Variants in PNMA8A observed in about 807,000 individuals in gnomAD.
PNMA8A encodes paraneoplastic antigen-like protein 8A.
Under a neutral mutation model 26.6 loss-of-function variants are expected in PNMA8A, and 17 were observed. That is an observed-to-expected ratio of 0.64 (90% CI 0.44 to 0.96). The LOEUF (loss-of-function observed/expected upper bound fraction) is 0.96, where lower values mean the gene tolerates loss of function less well. PNMA8A is among the 40% of genes least tolerant of loss of function. The pLI is 0.00. For synonymous variants in PNMA8A, 224 were observed against 182.0 expected (o/e 1.23, Z -1.86); for missense variants, 532 against 488.4 (o/e 1.09, Z -0.84).
rs1449301486 is a variant in PNMA8A at position 46,467,606 on chromosome 19, T to C, written c.*955A>G. The C allele has an allele frequency of 6.6e-6, 1 of 152,234 alleles. No homozygotes were observed. The highest frequency in any genetic ancestry group is 1.5e-5 in the Non-Finnish European group (1 of 68,080). The allele number at this position is 152,234 out of a possible 1,614,324, so 9.4% of individuals were successfully genotyped here. On this transcript the variant is annotated 3_prime_UTR_variant, in exon 3 of 3. Coordinates refer to ENST00000313683, the MANE Select transcript of PNMA8A (RefSeq NM_018215.4). Reference sequence around the variant, plus strand: ...TTTTTGTAGAGATGGGGTTTCACCATGTTGGTCAAGCTGGTCTTAAACGCC... The same window carrying C: ...TTTTTGTAGAGATGGGGTTTCACCACGTTGGTCAAGCTGGTCTTAAACGCC...
chr19:46,468,711 A>C lies in PNMA8A; in HGVS notation c.1304-134T>G, dbSNP rs1379000794. On this transcript the variant is annotated intron_variant, in intron 2 of 2. Transcript: ENST00000313683. The stretch of plus-strand genomic sequence containing the variant: ...CAGGTCTCTAGAAAACTTCACCCTT[A>C]AAGCCACATACCCTGCAAACACCAT... 5.7e-6 allele frequency: 4 copies of C among 696,096 alleles called. No homozygotes were observed. In the Admixed American group the frequency reaches 9.0e-5, roughly 16 times the overall value. The allele number at this position is 696,096 out of a possible 1,614,324, so 43.1% of individuals were successfully genotyped here.
chr19:46,468,703 T>G, intron 2 of PNMA8A, 126 bp from the exon 3 acceptor site: 1 of 738,622 alleles, frequency 1.4e-6, no homozygotes, highest in East Asian at 2.7e-5. Flanking sequence ...CTAGAAAACT[T>G]CACCCTTAAA....
Position 46,469,641 on chromosome 19 carries a change from CCTCGGGCTCCTCTGCCCCACCTGCCA to C in PNMA8A, c.1303+66_1303+91del. ...TCATCACCCGCTTGACCCACCACCT[CCTCGGGCTCCTCTGCCCCACCTGCCA>C]CTCCTGCTCCTCCTGCCTCATCCAC... is the stretch of plus-strand genomic sequence containing the variant. On this transcript the variant is annotated intron_variant, in intron 2 of 2. Coordinates refer to ENST00000313683, the MANE Select transcript of PNMA8A (RefSeq NM_018215.4). 2.2e-6 allele frequency: 3 copies of C among 1,392,124 alleles called. No individual in the cohort carries two copies. The African/African-American group carries it at 4.3e-5, about 20-fold the overall frequency. 86.2% of individuals were successfully genotyped at this position (1,392,124 alleles called of 1,614,324 possible).
In PNMA8A at chr19:46,470,606, C is replaced by A; in HGVS notation, c.430G>T (p.Glu144Ter). Reference protein sequence around the residue: ...TLSQNQHQPPENWAEALGVLL... With the variant: ...TLSQNQHQPP ...ACCCCCAGAGCTTCTGCCCAGTTCT[C>A]TGGGGGCTGATGCTGGTTCTGGGAC... Residue 144 changes from glutamate (E) to a stop codon, truncating the protein, a stop_gained, in exon 2 of 3, where the codon GAG (glutamate) becomes TAG (stop). Coordinates refer to ENST00000313683, the MANE Select transcript of PNMA8A (RefSeq NM_018215.4). LOFTEE classifies it high-confidence loss of function. 6.2e-7 allele frequency: 1 copy of A among 1,613,424 alleles called. No individual in the cohort carries two copies.
intron 1 of PNMA8A, 74 bp downstream of exon 1, chr19:46,471,263 T>G: frequency 2.3e-6 from 1 of 444,054 alleles, no homozygotes. Context: ...CTCACACGTG[T>G]CCCTGAATCT....
At position 46,470,816 on chromosome 19, in the gene PNMA8A, C is replaced by T. The variant is rs1260538816; in HGVS notation, c.220G>A (p.Gly74Ser). Residue 74 changes from glycine (G) to serine (S), a missense_variant, in exon 2 of 3, where the codon GGT becomes AGT. Coordinates refer to ENST00000313683, the MANE Select transcript of PNMA8A (RefSeq NM_018215.4). ...ENVKAALIEV[G>S]EGVNLSTIPR... ...ATGGTGCTCAGATTCACACCTTCAC[C>T]AACCTCAATGAGGGCAGCTTTAACA... The T allele has an allele frequency of 1.3e-6, 1 of 781,536 alleles. No homozygotes were observed. The highest frequency in any genetic ancestry group is 2.4e-6 in the Non-Finnish European group (1 of 418,664). The allele number at this position is 781,536 out of a possible 1,614,324, so 48.4% of individuals were successfully genotyped here.
rs1440060308 is a variant in PNMA8A at position 46,467,390 on chromosome 19, G to C, written c.*1171C>G. The C allele has an allele frequency of 6.6e-6, 1 of 152,118 alleles. No individual in the cohort carries two copies. The highest frequency in any genetic ancestry group is 2.4e-5 in the African/African-American group (1 of 41,410). 9.4% of individuals were successfully genotyped at this position (152,118 alleles called of 1,614,324 possible). On this transcript the variant is annotated 3_prime_UTR_variant, in exon 3 of 3. Transcript: ENST00000313683. ...TGGTCTGGTCTAATATAGTGTGTCT[G>C]AATTCAGAGGGCAGACATTAACAGC...
rs372759630 is a variant in PNMA8A, at chr19:46,470,508, G to T, written c.528C>A (p.Ala176=). The T allele has an allele frequency of 2.5e-6, 4 of 1,614,024 alleles. No individual in the cohort carries two copies. In the Admixed American group the frequency reaches 6.7e-5, roughly 27 times the overall value. The change falls in exon 2 of 3, where the codon GCC becomes GCA. Residue 176 remains alanine (A), a synonymous_variant. Transcript: ENST00000313683. ...AEIRSREEAR[A]QEAAEFEEMA... Reference sequence around the variant, plus strand: ...TCTCCTCGAATTCAGCGGCCTCCTGGGCCCTGGCTTCCTCCCGGCTGCGGA... The same window carrying T: ...TCTCCTCGAATTCAGCGGCCTCCTGTGCCCTGGCTTCCTCCCGGCTGCGGA...
chr19:46,469,779 C>G lies in PNMA8A; in HGVS notation c.1257G>C (p.Arg419Ser). 6.2e-7 allele frequency: 1 copy of G among 1,613,988 alleles called. No individual in the cohort carries two copies. Among genetic ancestry groups the G allele is most frequent in the Non-Finnish European group, 8.5e-7 (1 of 1,179,982 alleles). Reference protein sequence around the residue: ...QPAEATASTSRGPKAKPEGSP... With the variant: ...QPAEATASTSSGPKAKPEGSP... The stretch of plus-strand genomic sequence containing the variant: ...AGCCTTCTGGCTTGGCCTTCGGACC[C>G]CTAGAGGTTGAGGCTGTTGCCTCGG... The change falls in exon 2 of 3, where the codon AGG (arginine) becomes AGC (serine). Residue 419 changes from arginine (R) to serine (S), a missense_variant. Coordinates refer to ENST00000313683, the MANE Select transcript of PNMA8A (RefSeq NM_018215.4).
At position 46,468,475 on chromosome 19, in the gene PNMA8A, G is replaced by C. The variant is rs1239293979; in HGVS notation, c.*86C>G. The C allele has an allele frequency of 7.7e-7, 1 of 1,299,882 alleles. No homozygotes were observed. Among genetic ancestry groups the C allele is most frequent in the Admixed American group, 1.7e-5 (1 of 59,446 alleles). The allele number at this position is 1,299,882 out of a possible 1,614,324, so 80.5% of individuals were successfully genotyped here. ...AACAGGGGCCCTAAGAGAGTCCAAA[G>C]TCTTATTCAGTGACAAGAGAGAACT... On this transcript the variant is annotated 3_prime_UTR_variant, in exon 3 of 3. Coordinates refer to ENST00000313683, the MANE Select transcript of PNMA8A (RefSeq NM_018215.4).
rs755674539 is a variant in PNMA8A, at chr19:46,470,039, A to G, written c.997T>C (p.Ser333Pro). ...RAEAESPGGA[S>P]ESDQDGGHES... ...TGGCCACCATCTTGGTCTGACTCAG[A>G]GGCGCCTCCTGGGCTCTCGGCTTCT... is the stretch of plus-strand genomic sequence containing the variant. The change falls in exon 2 of 3, where the codon TCT becomes CCT. Residue 333 changes from serine (S) to proline (P), a missense_variant. Transcript: ENST00000313683. The G allele has an allele frequency of 1.3e-6, 2 of 1,597,402 alleles. No individual in the cohort carries two copies. The highest frequency in any genetic ancestry group is 2.7e-5 in the African/African-American group (2 of 74,016).
In PNMA8A at chr19:46,470,455, C is replaced by T. The variant is rs770433188; in HGVS notation, c.581G>A (p.Arg194Lys). ...EMAAWALAAGRKVKKEPGLAA... is the reference protein window; with the variant it reads ...EMAAWALAAGKKVKKEPGLAA... ...AAGCCCCGGTTCTTTCTTCACCTTC[C>T]TCCCTGCTGCTAAAGCCCAGGCTGC... is the stretch of plus-strand genomic sequence containing the variant. The change falls in exon 2 of 3, where the codon AGG (arginine) becomes AAG (lysine). Residue 194 changes from arginine to lysine, a missense_variant. Transcript: ENST00000313683. 2 of 1,614,102 alleles carry T rather than the reference C, an allele frequency of 1.2e-6. No individual in the cohort carries two copies. The highest frequency in any genetic ancestry group is 1.7e-6 in the Non-Finnish European group (2 of 1,180,050).
chr19:46,470,738 G>A lies in PNMA8A; in HGVS notation c.298C>T (p.Pro100Ser), dbSNP rs897343164. ...GGVWRVVCRD[P>S]TQDAEFLKNL... ...TTTAAAAACTCGGCATCCTGGGTAG[G>A]GTCTCTACAGACCACTCTCCAGACA... is the stretch of plus-strand genomic sequence containing the variant. The change falls in exon 2 of 3, where the codon CCT becomes TCT. Residue 100 changes from proline (P) to serine (S), a missense_variant. Pro to Ser is a moderately conservative substitution (Grantham distance 74). Coordinates refer to ENST00000313683, the MANE Select transcript of PNMA8A (RefSeq NM_018215.4). 8 of 846,572 alleles carry A rather than the reference G, an allele frequency of 9.4e-6. No homozygotes were observed. Among genetic ancestry groups the A allele is most frequent in the Non-Finnish European group, 1.5e-5 (7 of 478,084 alleles). 52.4% of individuals were successfully genotyped at this position (846,572 alleles called of 1,614,324 possible).
At position 46,470,318 on chromosome 19, in the gene PNMA8A, G is replaced by A. The variant is rs116822170; in HGVS notation, c.718C>T (p.Arg240Cys). The A allele has an allele frequency of 1.1e-5, 18 of 1,613,764 alleles. No individual in the cohort carries two copies. Among genetic ancestry groups the A allele is most frequent in the East Asian group, 6.7e-5 (3 of 44,892 alleles). The change falls in exon 2 of 3, where the codon CGC (arginine) becomes TGC (cysteine). Residue 240 changes from arginine (R) to cysteine (C), a missense_variant. Transcript: ENST00000313683. The stretch of plus-strand genomic sequence containing the variant: ...TTCTTCTGCTTCTTTCTCCTGGAGC[G>A]AGACTTAGCTCCAGCCCTGCGAACC... ...PLVRRAGAKS[R>C]SRRKKQKKNS...
At position 46,470,136 on chromosome 19, in the gene PNMA8A, C is replaced by A. The variant is rs762459840; in HGVS notation, c.900G>T (p.Glu300Asp). 5.6e-6 allele frequency: 9 copies of A among 1,611,470 alleles called. No homozygotes were observed. In the East Asian group the frequency reaches 2.0e-4, roughly 36 times the overall value. Residue 300 changes from glutamate (E) to aspartate (D), a missense_variant, in exon 2 of 3, where the codon GAG (glutamate) becomes GAT (aspartate). Physicochemically the swap from Glu to Asp is conservative, Grantham distance 45. Transcript: ENST00000313683. ...TCGCCATGGGCTTCTTCAAAGCCAA[C>A]TCCTCCTTATTCACACAGGGCTTTC... ...GSRKPCVNKE[E>D]LALKKPMAKC...
chr19:46,468,694 T>G (rs1969740536), intron 2 of PNMA8A, 117 bp from the exon 3 acceptor site: 1 of 805,488 alleles, frequency 1.2e-6, no homozygotes, highest in Non-Finnish European at 2.1e-6. Context: ...GCCAGGTCTC[T>G]AGAAAACTTC....
chr19:46,466,864 A>C lies in PNMA8A; in HGVS notation c.*1697T>G, dbSNP rs1482853517. ...CTTTATCACAAAAACTGAAGTCGGA[A>C]AAGACGCCCTGAAAACTTGCAAGGG... On this transcript the variant is annotated 3_prime_UTR_variant, in exon 3 of 3. Coordinates refer to ENST00000313683, the MANE Select transcript of PNMA8A (RefSeq NM_018215.4). The C allele has an allele frequency of 2.0e-5, 3 of 152,216 alleles. No individual in the cohort carries two copies. The highest frequency in any genetic ancestry group is 4.4e-5 in the Non-Finnish European group (3 of 68,042). 9.4% of individuals were successfully genotyped at this position (152,216 alleles called of 1,614,324 possible). A position where few individuals can be genotyped will look rare whatever the true frequency, so the allele number is the denominator to read the frequency against.
At chr19:46,471,232 TC>T (rs1163505152) in intron 1 of PNMA8A, 104 bp downstream of exon 1, 3 of 518,048 alleles carry the variant, frequency 5.8e-6, no homozygotes, top group Non-Finnish European at 1.0e-5. Flanking sequence ...AACACCCTCC[TC>T]CCCAACCCAG....
rs769243519 is a variant in PNMA8A at position 46,469,782 on chromosome 19, A to G, written c.1254T>C (p.Ser418=). 9.3e-6 allele frequency: 15 copies of G among 1,613,914 alleles called. No individual in the cohort carries two copies. The highest frequency in any genetic ancestry group is 1.7e-4 in the Middle Eastern group (1 of 6,058). ...QQPAEATAST[S]RGPKAKPEGS... ...CTTCTGGCTTGGCCTTCGGACCCCTAGAGGTTGAGGCTGTTGCCTCGGCAG... is the reference window on the plus strand; with the variant it reads ...CTTCTGGCTTGGCCTTCGGACCCCTGGAGGTTGAGGCTGTTGCCTCGGCAG... The change falls in exon 2 of 3, where the codon TCT becomes TCC. Residue 418 remains serine, a synonymous_variant. Transcript: ENST00000313683.
Sources: allele counts gnomAD v4.1 joint callset, GRCh38; gene constraint gnomAD v4.1.1; transcripts MANE v1.5; gene names NCBI Gene and HGNC (gene_info 2026-07-23, HGNC 2026-07-21).